The following GDPD4 variants were observed in gnomAD, a reference collection of about 807,000 sequenced individuals.
GDPD4 encodes glycerophosphodiester phosphodiesterase domain containing 4.
A neutral mutation model predicts 67.8 loss-of-function variants in GDPD4; 60 were observed. The ratio of observed to expected loss-of-function variants is 0.88; its 90% CI spans 0.72 to 1.10. The LOEUF (loss-of-function observed/expected upper bound fraction) is 1.10. Among genes scored for constraint, GDPD4 ranks in the 50% least tolerant of loss-of-function variants. The pLI is 0.00. For synonymous variants in GDPD4, 212 were observed against 210.9 expected, an observed-to-expected ratio of 1.00 and a Z score of -0.04; for missense variants, 623 against 613.9, an observed-to-expected ratio of 1.01 and a Z score of -0.16.
At chr11:77,300,012 G>A (rs1299021695) in intron 1 of GDPD4, among the ~76,000 whole-genome samples, 1 of 152,176 alleles carries the variant, frequency 6.6e-6, no homozygotes, top group Admixed American at 6.5e-5. Context: ...TATTAGATAT[G>A]AGTTCTAAAT....
intron 9 of GDPD4, 106 bp downstream of exon 9, chr11:77,268,818 G>T: frequency 2.6e-6 from 3 of 1,152,570 alleles, no homozygotes; most frequent in Non-Finnish European, 3.7e-6. Context: ...CCATCTTAAT[G>T]CAATCACTTT....
In GDPD4 at chr11:77,216,780, A is replaced by C; in HGVS notation, c.*497T>G. The C allele has an allele frequency of 1.7e-6, 1 of 604,756 alleles. No individual in the cohort carries two copies. 37.5% of individuals were successfully genotyped at this position (604,756 alleles called of 1,614,324 possible). On this transcript the variant is annotated 3_prime_UTR_variant, in exon 17 of 17. Coordinates refer to ENST00000315938, the MANE Select transcript of GDPD4 (RefSeq NM_182833.3). ...TGTGTGCCTTTATCAACCACTCCCC[A>C]CCATCACCACCCTTAGGCAGAGAGA...
chr11:77,249,187 A>G (rs1302192424), intron 11 of GDPD4, among the ~76,000 whole-genome samples: 1 of 149,976 alleles, frequency 6.7e-6, no homozygotes, highest in Non-Finnish European at 1.5e-5. Flanking sequence ...AATCGCTTGA[A>G]GCCGGGAAGC....
intron 15 of GDPD4, among the ~76,000 whole-genome samples, chr11:77,228,433 G>C (rs1958385700): frequency 6.8e-6 from 1 of 147,372 alleles, no homozygotes; most frequent in Non-Finnish European, 1.5e-5. Flanking sequence ...CCAGGAGGCG[G>C]AGGTTGCAGT....
chr11:77,256,370 C>G (rs1959004349), intron 11 of GDPD4, among the ~76,000 whole-genome samples: 1 of 152,098 alleles, frequency 6.6e-6, no homozygotes, highest in African/African-American at 2.4e-5. Flanking sequence ...ACTCAGAAAC[C>G]TAGAATATCA....
rs1455854889 is a variant in GDPD4, at chr11:77,229,137, T to C, written c.1472+13A>G. 7.6e-7 allele frequency: 1 copy of C among 1,308,206 alleles called. No homozygotes were observed. The highest frequency in any genetic ancestry group is 2.4e-5 in the East Asian group (1 of 40,848). The allele number at this position is 1,308,206 out of a possible 1,614,324, so 81.0% of individuals were successfully genotyped here. A position where few individuals can be genotyped will look rare whatever the true frequency, so the allele number is the denominator to read the frequency against. ...TTTGGAAAAAATTCATTTAAAATTATATATATACTTACCAGTGAAAACAAA... is the reference window on the plus strand; with the variant it reads ...TTTGGAAAAAATTCATTTAAAATTACATATATACTTACCAGTGAAAACAAA... On this transcript the variant is annotated intron_variant, in intron 15 of 16. Transcript: ENST00000315938.
rs189304705 is a variant in GDPD4, at chr11:77,222,318, G to A, written c.1526-5004C>T. ...GTTGATGCAGTTTCTTCCTAGCTTT[G>A]ACGGTCTTTACAGTTTGGCATGTTT... is the stretch of plus-strand genomic sequence containing the variant. On this transcript the variant is annotated intron_variant, in intron 16 of 16. Coordinates refer to ENST00000315938, the MANE Select transcript of GDPD4 (RefSeq NM_182833.3). 3.3e-3 allele frequency among the ~76,000 whole-genome samples: 508 copies of A among 152,256 alleles called. 5 individuals carry two copies. The highest frequency in any genetic ancestry group is 0.011 in the African/African-American group (472 of 41,532).
chr11:77,278,278 C>T (rs921061196), intron 4 of GDPD4, among the ~76,000 whole-genome samples: 31 of 152,154 alleles, frequency 2.0e-4, no homozygotes, highest in Non-Finnish European at 3.5e-4. Flanking sequence ...TCATTATGCC[C>T]TACATACTAA....
Position 77,271,117 on chromosome 11 carries a change from C to G in GDPD4, c.400+13G>C. Reference sequence around the variant, plus strand: ...CTGAAGAAATAGGCAGGGTTCTGCCCTATGTGACATACCTTCTCTTTCCAA... The same window carrying G: ...CTGAAGAAATAGGCAGGGTTCTGCCGTATGTGACATACCTTCTCTTTCCAA... On this transcript the variant is annotated intron_variant, in intron 7 of 16. Coordinates refer to ENST00000315938, the MANE Select transcript of GDPD4 (RefSeq NM_182833.3). 4 of 1,570,350 alleles carry G rather than the reference C, an allele frequency of 2.5e-6. No homozygotes were observed. Among genetic ancestry groups the G allele is most frequent in the Non-Finnish European group, 3.5e-6 (4 of 1,142,060 alleles).
chr11:77,281,954 G>A (rs1366887380), intron 3 of GDPD4, among the ~76,000 whole-genome samples: 1 of 151,978 alleles, frequency 6.6e-6, no homozygotes, highest in Admixed American at 6.6e-5. Context: ...AAAGATCAGA[G>A]GTGCATGATA....
At chr11:77,250,669 T>A (rs1037998726) in intron 11 of GDPD4, among the ~76,000 whole-genome samples, 1 of 152,220 alleles carries the variant, frequency 6.6e-6, no homozygotes. Context: ...TAATTGTCTG[T>A]TAGGTCCATT....
intron 11 of GDPD4, among the ~76,000 whole-genome samples, chr11:77,255,588 C>T (rs1049723530): frequency 6.6e-5 from 10 of 151,910 alleles, no homozygotes; most frequent in African/African-American, 1.9e-4. Flanking sequence ...AGGCTGGGTG[C>T]GGTGGCTCAC....
At chr11:77,296,846 T>G (rs1190344468) in intron 1 of GDPD4, among the ~76,000 whole-genome samples, 1 of 150,332 alleles carries the variant, frequency 6.7e-6, no homozygotes, top group Admixed American at 6.6e-5. Flanking sequence ...GATCACAAGG[T>G]CAGGAGTTCG....
rs115342470 is a variant in GDPD4 at position 77,263,040 on chromosome 11, C to T, written c.708-4498G>A. On this transcript the variant is annotated intron_variant, in intron 10 of 16. Transcript: ENST00000315938. ...TTCTATATGCAGCAAAAATATTCTT[C>T]AAAAATGAAGGGAAAATTAAAATAT... Among the ~76,000 whole-genome samples, 1,245 of 151,820 alleles carry T rather than the reference C, an allele frequency of 8.2e-3. 24 individuals are homozygous for T. Among genetic ancestry groups the T allele is most frequent in the African/African-American group, 0.027 (1,134 of 41,396 alleles).
intron 10 of GDPD4, among the ~76,000 whole-genome samples, chr11:77,265,056 CT>C (rs1959172043): frequency 6.6e-6 from 1 of 152,150 alleles, no homozygotes; most frequent in Non-Finnish European, 1.5e-5. Context: ...CTTCCCTCTT[CT>C]TACCACAATT....
intron 9 of GDPD4, 84 bp downstream of exon 9, chr11:77,268,840 G>T: frequency 1.5e-6 from 2 of 1,371,674 alleles, no homozygotes; most frequent in South Asian, 1.3e-5. Context: ...TCTCTCCAGG[G>T]GCTTCCATGG....
intron 13 of GDPD4, among the ~76,000 whole-genome samples, chr11:77,235,054 C>A (rs1316510978): frequency 1.4e-5 from 1 of 72,876 alleles, no homozygotes; most frequent in Non-Finnish European, 2.9e-5. Flanking sequence ...TTAGTAATAG[C>A]CATTCTGACT....
intron 10 of GDPD4, among the ~76,000 whole-genome samples, chr11:77,261,536 C>A (rs1959118214): frequency 6.6e-6 from 1 of 152,230 alleles, no homozygotes; most frequent in South Asian, 2.1e-4. Flanking sequence ...CCACGCCCAG[C>A]CAAATCTAAC....
chr11:77,228,355 T>A (rs978881734), intron 15 of GDPD4, among the ~76,000 whole-genome samples: 1 of 151,258 alleles, frequency 6.6e-6, no homozygotes, highest in Non-Finnish European at 1.5e-5. Flanking sequence ...TTAAAAAAAA[T>A]TAGCTGGGCA....
Sources: allele counts gnomAD v4.1 joint callset (sites outside exome capture counted in the v4.1 genomes callset), GRCh38; gene constraint gnomAD v4.1.1; transcripts MANE v1.5; gene names NCBI Gene and HGNC (gene_info 2026-07-23, HGNC 2026-07-21).